Variants in ZCCHC7 observed in about 807,000 individuals in gnomAD.
ZCCHC7 encodes the protein zinc finger CCHC-type containing 7.
A neutral mutation model predicts 52.0 loss-of-function variants in ZCCHC7; 35 were observed. The ratio of observed to expected loss-of-function variants is 0.67; its 90% CI spans 0.51 to 0.89. ZCCHC7 has a LOEUF of 0.89. ZCCHC7 is among the 40% of genes least tolerant of loss of function. The pLI is 0.00. For synonymous variants in ZCCHC7, 217 were observed against 221.5 expected (o/e 0.98, Z 0.18); for missense variants, 574 against 649.1 (o/e 0.88, Z 1.26).
At chr9:37,298,082 C>T (rs1156386072) in intron 2 of ZCCHC7, among the ~76,000 whole-genome samples, 1 of 152,190 alleles carries the variant, frequency 6.6e-6, no homozygotes, top group Non-Finnish European at 1.5e-5. Context: ...AAAAAGTGAA[C>T]ATTAGTGTAA....
At chr9:37,198,532 C>T (rs774722976) in intron 2 of ZCCHC7, among the ~76,000 whole-genome samples, 8 of 152,280 alleles carry the variant, frequency 5.3e-5, no homozygotes, top group East Asian at 3.9e-4. Context: ...AGTGCTCACC[C>T]GTCTGTCTAT....
chr9:37,131,348 A>AG (rs1333617930), intron 2 of ZCCHC7, among the ~76,000 whole-genome samples: 1 of 150,402 alleles, frequency 6.6e-6, no homozygotes, highest in Non-Finnish European at 1.5e-5. Context: ...AAAAAAAAAA[A>AG]GAAAAAAAAA....
At chr9:37,154,957 G>C (rs963650472) in intron 2 of ZCCHC7, among the ~76,000 whole-genome samples, 2 of 152,128 alleles carry the variant, frequency 1.3e-5, no homozygotes, top group Non-Finnish European at 2.9e-5. Context: ...CAATATGTTT[G>C]GATTTTGGAA....
chr9:37,329,341 T>A (rs2118208055), intron 6 of ZCCHC7, among the ~76,000 whole-genome samples: 1 of 151,870 alleles, frequency 6.6e-6, no homozygotes, highest in Admixed American at 6.6e-5. Flanking sequence ...GTTTGCTTAA[T>A]ATTTTAGCTG....
In ZCCHC7 at chr9:37,357,215, GATGATGACA is replaced by G; in HGVS notation, c.1585_1593del (p.Asp529_Asp531del). The G allele has an allele frequency of 6.2e-7, 1 of 1,610,448 alleles. No individual in the cohort carries two copies. Among genetic ancestry groups the G allele is most frequent in the Non-Finnish European group, 8.5e-7 (1 of 1,179,098 alleles). ...GAAGAAAAAGGAGAGGTGCTGGGAA[GATGATGACA>G]ATGATAACTTATTTCTTATTAAGCA... On this transcript the variant is annotated inframe_deletion, in exon 9 of 9. Coordinates refer to ENST00000336755, the MANE Select transcript of ZCCHC7 (RefSeq NM_032226.3).
chr9:37,306,500 CTG>C (rs574160444), intron 5 of ZCCHC7, among the ~76,000 whole-genome samples: 222 of 151,820 alleles, frequency 1.5e-3, no homozygotes, highest in African/African-American at 4.8e-3. Flanking sequence ...GAGTCTCGCT[CTG>C]TTGCCCAGGC....
chr9:37,155,133 G>C (rs1820742559), intron 2 of ZCCHC7, among the ~76,000 whole-genome samples: 1 of 152,260 alleles, frequency 6.6e-6, no homozygotes, highest in Non-Finnish European at 1.5e-5. Flanking sequence ...GGCCAAGGCG[G>C]GCGGATCATG....
chr9:37,293,666 A>T (rs1376372253), intron 2 of ZCCHC7, among the ~76,000 whole-genome samples: 6 of 152,160 alleles, frequency 3.9e-5, no homozygotes, highest in Admixed American at 1.3e-4. Flanking sequence ...TTCTGTTGAT[A>T]CATTTTCCCT....
At chr9:37,270,917 C>G (rs1029842223) in intron 2 of ZCCHC7, among the ~76,000 whole-genome samples, 4 of 151,860 alleles carry the variant, frequency 2.6e-5, no homozygotes, top group Admixed American at 6.6e-5. Flanking sequence ...AAAAGAAACC[C>G]TTGATATATA....
At chr9:37,168,450 T>G (rs192358151) in intron 2 of ZCCHC7, among the ~76,000 whole-genome samples, 14 of 152,302 alleles carry the variant, frequency 9.2e-5, no homozygotes, top group African/African-American at 3.1e-4. Flanking sequence ...GGTTTATGTA[T>G]TTATATGTCA....
chr9:37,297,615 G>A (rs1275724964), intron 2 of ZCCHC7, among the ~76,000 whole-genome samples: 3 of 152,254 alleles, frequency 2.0e-5, no homozygotes, highest in Non-Finnish European at 4.4e-5. Flanking sequence ...GGCATCTATG[G>A]CTTCCTTATA....
At chr9:37,220,599 A>G (rs759098197) in intron 2 of ZCCHC7, among the ~76,000 whole-genome samples, 11 of 152,158 alleles carry the variant, frequency 7.2e-5, no homozygotes, top group Non-Finnish European at 1.5e-4. Flanking sequence ...ATTGATAGAT[A>G]GTACTGTGGG....
chr9:37,234,168 C>T (rs1408967152), intron 2 of ZCCHC7, among the ~76,000 whole-genome samples: 1 of 152,138 alleles, frequency 6.6e-6, no homozygotes, highest in Non-Finnish European at 1.5e-5. Flanking sequence ...CACGCCCGGC[C>T]AGGATAGGGA....
intron 5 of ZCCHC7, among the ~76,000 whole-genome samples, chr9:37,310,959 TAAAAA>T (rs59663698): frequency 8.7e-6 from 1 of 115,050 alleles, no homozygotes; most frequent in African/African-American, 3.3e-5. Context: ...TCTCTCTTTT[TAAAAA>T]AAAAAAAAAA....
intron 2 of ZCCHC7, among the ~76,000 whole-genome samples, chr9:37,278,034 G>GTGTTTGTTTTGTTTTGTTTTGTTT (rs1827769633): frequency 7.0e-6 from 1 of 142,860 alleles, no homozygotes; most frequent in African/African-American, 2.6e-5. Context: ...GTGTGTGTGT[G>GTGTTTGTTTTGTTTTGTTTTGTTT]TGTTTTGTTT....
chr9:37,349,573 T>C (rs1821239088), intron 7 of ZCCHC7, 121 bp downstream of exon 7: 1 of 957,790 alleles, frequency 1.0e-6, no homozygotes, highest in Admixed American at 2.5e-5. Context: ...AAAGTAAGAC[T>C]TAATATATTT....
chr9:37,242,304 A>G (rs1825907003), intron 2 of ZCCHC7, among the ~76,000 whole-genome samples: 1 of 151,790 alleles, frequency 6.6e-6, no homozygotes, highest in African/African-American at 2.4e-5. Context: ...GTTCAAAGGA[A>G]ATTGAGTTTT....
chr9:37,193,487 G>A (rs1823123593), intron 2 of ZCCHC7, among the ~76,000 whole-genome samples: 1 of 151,876 alleles, frequency 6.6e-6, no homozygotes, highest in Non-Finnish European at 1.5e-5. Context: ...CCCATATTTT[G>A]TATAAAACAT....
intron 2 of ZCCHC7, among the ~76,000 whole-genome samples, chr9:37,282,604 C>CAAA (rs60743608): frequency 1.1e-4 from 6 of 52,448 alleles, no homozygotes; most frequent in African/African-American, 2.4e-4. Context: ...GACTCTGTCT[C>CAAA]AAAAAAAAAA....
Sources: allele counts gnomAD v4.1 joint callset (sites outside exome capture counted in the v4.1 genomes callset), GRCh38; gene constraint gnomAD v4.1.1; transcripts MANE v1.5; gene names NCBI Gene and HGNC (gene_info 2026-07-23, HGNC 2026-07-21).